CFAP77: variants seen among roughly 807,000 people sequenced by gnomAD.
CFAP77 encodes cilia and flagella associated protein 77, also known as cilia- and flagella-associated protein 77.
CFAP77 carries 25 observed loss-of-function variants against 31.1 expected under a neutral mutation model. That is an observed-to-expected ratio of 0.80 (90% confidence interval 0.59 to 1.12). The LOEUF (loss-of-function observed/expected upper bound fraction) is 1.12, where lower values mean the gene tolerates loss of function less well. CFAP77 is among the 50% of genes most tolerant of loss of function. The pLI is 0.00. For missense variants in CFAP77, 377 were observed against 397.3 expected (o/e 0.95, Z 0.44); for synonymous variants, 151 against 159.9 (o/e 0.94, Z 0.42).
chr9:132,442,793 C>T (rs992133354), intron 1 of CFAP77, among the ~76,000 whole-genome samples: 1 of 152,202 alleles, frequency 6.6e-6, no homozygotes, highest in African/African-American at 2.4e-5. Context: ...CCTCCCACTT[C>T]GGCCTCCCAA....
chr9:132,462,038 C>T (rs540304575), intron 1 of CFAP77, among the ~76,000 whole-genome samples: 161 of 152,298 alleles, frequency 1.1e-3, no homozygotes, highest in Non-Finnish European at 2.2e-3. Flanking sequence ...AACATCTCCG[C>T]TCCTTCATTT....
At chr9:132,415,574 C>T (rs1474820010) in intron 1 of CFAP77, among the ~76,000 whole-genome samples, 2 of 152,368 alleles carry the variant, frequency 1.3e-5, no homozygotes, top group African/African-American at 2.4e-5. Flanking sequence ...TTTCCTATTA[C>T]GTGGCTCTCA....
At chr9:132,535,267 A>G (rs1411557069) in intron 3 of CFAP77, among the ~76,000 whole-genome samples, 1 of 152,174 alleles carries the variant, frequency 6.6e-6, no homozygotes, top group African/African-American at 2.4e-5. Context: ...ATAATTACTA[A>G]TTTGCTTTAT....
chr9:132,452,685 C>G (rs1351375583), intron 1 of CFAP77, among the ~76,000 whole-genome samples: 9 of 152,180 alleles, frequency 5.9e-5, no homozygotes, highest in Non-Finnish European at 1.0e-4. Flanking sequence ...GTGGAAGCTC[C>G]AGGGAGGCAG....
At chr9:132,534,135 T>C (rs1029741372) in intron 3 of CFAP77, among the ~76,000 whole-genome samples, 91 of 152,274 alleles carry the variant, frequency 6.0e-4, no homozygotes, top group African/African-American at 2.1e-3. Flanking sequence ...GGGCTGGTCA[T>C]TTGGTTCAGC....
intron 1 of CFAP77, among the ~76,000 whole-genome samples, chr9:132,458,357 G>GGGGGGGGGGGGGT (rs139008147): frequency 2.3e-4 from 27 of 119,104 alleles, no homozygotes; most frequent in Admixed American, 3.9e-4. Context: ...GAGGGGGGGG[G>GGGGGGGGGGGGGT]GTGTGTATGG....
intron 1 of CFAP77, among the ~76,000 whole-genome samples, chr9:132,473,397 C>T (rs79271883): frequency 2.0e-5 from 3 of 152,206 alleles, no homozygotes; most frequent in African/African-American, 7.2e-5. Flanking sequence ...CCCTATTTTA[C>T]AGCTGGGGAG....
In CFAP77 at chr9:132,564,709, G is replaced by A. The variant is rs1296982708; in HGVS notation, c.733-7679G>A. ...TCTAGATGCTAGAAAAAGAACAACA[G>A]AGTAAACATTAGTGAAATGTCAAAG... On this transcript the variant is annotated intron_variant, in intron 5 of 5. Coordinates refer to ENST00000393216, the MANE Select transcript of CFAP77 (RefSeq NM_001282957.2). The surrounding 1 kb of genome is among the most constrained non-coding windows in gnomAD (Gnocchi z 4.6). Among the ~76,000 whole-genome samples the A allele has an allele frequency of 6.6e-6, 1 of 152,160 alleles. No individual in the cohort carries two copies. The highest frequency in any genetic ancestry group is 1.5e-5 in the Non-Finnish European group (1 of 68,024).
chr9:132,559,788 C>T (rs1290292148), intron 5 of CFAP77, among the ~76,000 whole-genome samples: 2 of 152,210 alleles, frequency 1.3e-5, no homozygotes, highest in African/African-American at 4.8e-5. Context: ...GGTCCATCAA[C>T]TGATGAATGG....
At chr9:132,473,300 C>A (rs1037251973) in intron 1 of CFAP77, among the ~76,000 whole-genome samples, 2 of 152,180 alleles carry the variant, frequency 1.3e-5, no homozygotes, top group Non-Finnish European at 2.9e-5. Flanking sequence ...CTATAGCAAC[C>A]CGCAAAGTGG....
intron 1 of CFAP77, among the ~76,000 whole-genome samples, chr9:132,483,448 C>T (rs144970654): frequency 6.6e-6 from 1 of 152,096 alleles, no homozygotes; most frequent in Admixed American, 6.5e-5. Flanking sequence ...TTGTGGGGGA[C>T]CTGCAGCAGC....
intron 5 of CFAP77, among the ~76,000 whole-genome samples, chr9:132,556,532 T>C (rs1852908139): frequency 6.6e-6 from 1 of 152,054 alleles, no homozygotes; most frequent in Non-Finnish European, 1.5e-5. Flanking sequence ...TCAGGCAGTT[T>C]TTGAAAGGTG....
intron 3 of CFAP77, among the ~76,000 whole-genome samples, chr9:132,533,657 G>A (rs1852496307): frequency 6.6e-6 from 1 of 152,206 alleles, no homozygotes; most frequent in South Asian, 2.1e-4. Flanking sequence ...CAAGGTGGGT[G>A]GATCACTTGA....
intron 3 of CFAP77, among the ~76,000 whole-genome samples, chr9:132,533,267 C>T (rs941398092): frequency 6.6e-6 from 1 of 152,222 alleles, no homozygotes; most frequent in Admixed American, 6.5e-5. Context: ...TTCTGGATAC[C>T]GCTCATGGGA....
At position 132,501,134 on chromosome 9, in the gene CFAP77, G is replaced by A. The variant is rs138431217; in HGVS notation, c.524+1534G>A. 2.0e-5 allele frequency among the ~76,000 whole-genome samples: 3 copies of A among 152,340 alleles called. No individual in the cohort carries two copies. The highest frequency in any genetic ancestry group is 7.2e-5 in the African/African-American group (3 of 41,572). On this transcript the variant is annotated intron_variant, in intron 3 of 5. Transcript: ENST00000393216. This position sits in a 1 kb window ranked among gnomAD's most constrained non-coding sequence, Gnocchi z 4.6. ...TTGTGTTTAATCGAAACTCACTCATGGCTCACATGATTGGAAAGTGCAGGG... is the reference window on the plus strand; with the variant it reads ...TTGTGTTTAATCGAAACTCACTCATAGCTCACATGATTGGAAAGTGCAGGG...
rs147709930 is a variant in CFAP77, at chr9:132,422,159, C to T, written c.195+11693C>T. ...CAGTATCTGGGATTACAGGCTCACA[C>T]GACCATGCCCAGATAATTTTTGTAT... is the stretch of plus-strand genomic sequence containing the variant. On this transcript the variant is annotated intron_variant, in intron 1 of 5. Transcript: ENST00000393216. Among the ~76,000 whole-genome samples, 280 of 152,324 alleles carry T rather than the reference C, an allele frequency of 1.8e-3. 2 individuals carry two copies. Among genetic ancestry groups the T allele is most frequent in the African/African-American group, 6.4e-3 (264 of 41,574 alleles).
At chr9:132,462,319 G>T (rs1479763135) in intron 1 of CFAP77, among the ~76,000 whole-genome samples, 1 of 152,128 alleles carries the variant, frequency 6.6e-6, no homozygotes, top group African/African-American at 2.4e-5. Context: ...CCGTTTGTTT[G>T]CTTGTTTTGT....
chr9:132,460,949 C>T (rs1273856125), intron 1 of CFAP77, among the ~76,000 whole-genome samples: 1 of 152,152 alleles, frequency 6.6e-6, no homozygotes, highest in Non-Finnish European at 1.5e-5. Context: ...TGGCCTCAAA[C>T]TCCTGACCTC....
chr9:132,499,556 G>C lies in CFAP77; in HGVS notation c.480G>C (p.Glu160Asp), dbSNP rs1340297714. The change falls in exon 3 of 6, where the codon GAG becomes GAC. Residue 160 changes from glutamate (E) to aspartate (D), a missense_variant. Transcript: ENST00000393216. This position sits in a 1 kb window ranked among gnomAD's most constrained non-coding sequence, Gnocchi z 5.4. The stretch of plus-strand genomic sequence containing the variant: ...AGGATGACCGGCGCATGAAGAAAGA[G>C]CCGCCCCCTCTCCCTCCAAACATGA... The part of the protein sequence containing the change: ...SDQDDRRMKK[E>D]PPPLPPNMTF... 1 of 1,614,202 alleles carries C rather than the reference G, an allele frequency of 6.2e-7. No individual in the cohort carries two copies. The highest frequency in any genetic ancestry group is 8.5e-7 in the Non-Finnish European group (1 of 1,180,030).
Sources: gnomAD v4.1 joint callset for allele counts (sites outside exome capture counted in the v4.1 genomes callset) on GRCh38, gnomAD v4.1.1 for gene constraint, Gnocchi (gnomAD v3.1) non-coding constraint, MANE v1.5 for transcripts, NCBI Gene and HGNC (gene_info 2026-07-23, HGNC 2026-07-21) for gene names.